RAD51B: variants seen among roughly 807,000 people sequenced by gnomAD.
The protein encoded by RAD51B is RAD51 paralog B, also known as DNA repair protein RAD51 homolog 2.
Under a neutral mutation model 42.2 loss-of-function variants are expected in RAD51B, and 38 were observed. That is an observed-to-expected ratio of 0.90 (90% CI 0.70 to 1.18). The LOEUF is 1.18. RAD51B is among the 50% of genes most tolerant of loss of function. The probability of loss-of-function intolerance (pLI) is 0.00; values close to 1 mark genes in which losing one functional copy is unlikely to be tolerated. For missense variants in RAD51B, 373 were observed against 400.7 expected, an observed-to-expected ratio of 0.93 and a Z score of 0.59; for synonymous variants, 154 against 145.2, an observed-to-expected ratio of 1.06 and a Z score of -0.43.
At chr14:68,481,427 A>G (rs12886429), downstream of RAD51B, among the ~76,000 whole-genome samples, 32,397 of 152,206 alleles carry the variant, frequency 0.21, 4,040 homozygotes, top group East Asian at 0.52. Context: ...CCAAGAAACA[A>G]TAAGAGAGTG....
chr14:68,613,188 G>A (rs533192091), downstream of RAD51B, among the ~76,000 whole-genome samples: 2 of 152,266 alleles, frequency 1.3e-5, no homozygotes, highest in East Asian at 3.9e-4. Flanking sequence ...GGCCAAGGTG[G>A]GCAGATCACC....
At chr14:68,040,434 A>G (rs916749159) in intron 7 of RAD51B, among the ~76,000 whole-genome samples, 1 of 152,216 alleles carries the variant, frequency 6.6e-6, no homozygotes, top group Non-Finnish European at 1.5e-5. Flanking sequence ...GATAATACTC[A>G]TGAAATCTTG....
Position 68,057,646 on chromosome 14 carries a change from CTT to C in RAD51B, c.756+170443_756+170444del, listed in dbSNP as rs1406740504. The stretch of plus-strand genomic sequence containing the variant: ...TAATACAAAAATGCTTTCAGAATCT[CTT>C]AGCTTTTTTTGTCATTTACTAGAAA... On this transcript the variant is annotated intron_variant, in intron 7 of 10. Transcript: ENST00000471583. Among the ~76,000 whole-genome samples the C allele has an allele frequency of 2.0e-5, 3 of 152,106 alleles. No individual in the cohort carries two copies. In the South Asian group the frequency reaches 6.2e-4, roughly 32 times the overall value.
At chr14:67,831,493 A>G (rs896315311) in intron 3 of RAD51B, among the ~76,000 whole-genome samples, 4 of 152,168 alleles carry the variant, frequency 2.6e-5, no homozygotes, top group East Asian at 1.9e-4. Flanking sequence ...TCTTTGTCTC[A>G]TTTATATACA....
At chr14:68,435,665 C>G (rs945794572) in intron 9 of RAD51B, among the ~76,000 whole-genome samples, 2 of 152,156 alleles carry the variant, frequency 1.3e-5, no homozygotes, top group African/African-American at 4.8e-5. Context: ...ATTTTCTTCT[C>G]TCCACAGCCT....
chr14:68,403,834 C>T (rs1023043469), intron 8 of RAD51B, among the ~76,000 whole-genome samples: 5 of 152,166 alleles, frequency 3.3e-5, no homozygotes, highest in Non-Finnish European at 5.9e-5. Context: ...TCTTTCCTCC[C>T]TAGAATTTCA....
chr14:68,146,560 G>A (rs1448398640), intron 7 of RAD51B, among the ~76,000 whole-genome samples: 1 of 152,146 alleles, frequency 6.6e-6, no homozygotes, highest in African/African-American at 2.4e-5. Flanking sequence ...GAATTAGAGG[G>A]AAGGACCTTA....
At chr14:67,836,601 T>C (rs2041250261) in intron 4 of RAD51B, among the ~76,000 whole-genome samples, 1 of 151,946 alleles carries the variant, frequency 6.6e-6, no homozygotes, top group East Asian at 1.9e-4. Flanking sequence ...GTAGCTGGGA[T>C]TGCAGGCATG....
chr14:68,269,224 A>G (rs528167894), intron 7 of RAD51B, among the ~76,000 whole-genome samples: 3 of 152,322 alleles, frequency 2.0e-5, no homozygotes, highest in Admixed American at 6.5e-5. Flanking sequence ...ACTCCTCACA[A>G]TCAGCACATT....
chr14:67,896,128 T>C (rs1468327746), intron 7 of RAD51B, among the ~76,000 whole-genome samples: 1 of 152,214 alleles, frequency 6.6e-6, no homozygotes, highest in Admixed American at 6.6e-5. Flanking sequence ...CTGCCTATAT[T>C]GAATAGTGTC....
intron 9 of RAD51B, among the ~76,000 whole-genome samples, chr14:68,438,180 A>G (rs531951631): frequency 5.3e-5 from 8 of 152,276 alleles, no homozygotes; most frequent in African/African-American, 1.9e-4. Context: ...TCCCTTTGGC[A>G]AGAGTTTTCC....
intron 10 of RAD51B, among the ~76,000 whole-genome samples, chr14:68,533,141 A>G (rs1197757907): frequency 1.3e-5 from 2 of 152,314 alleles, no homozygotes; most frequent in African/African-American, 4.8e-5. Context: ...TAATATGATT[A>G]TTTACACAGA....
At chr14:67,918,484 C>G (rs998539577) in intron 7 of RAD51B, among the ~76,000 whole-genome samples, 1 of 152,192 alleles carries the variant, frequency 6.6e-6, no homozygotes, top group Non-Finnish European at 1.5e-5. Context: ...ATTCATCTGC[C>G]TCGGCCTCCC....
chr14:68,238,023 T>C (rs1452582739), intron 7 of RAD51B, among the ~76,000 whole-genome samples: 2 of 152,098 alleles, frequency 1.3e-5, no homozygotes, highest in Non-Finnish European at 2.9e-5. Flanking sequence ...GCATTTATCA[T>C]ATGAATATAT....
intron 7 of RAD51B, among the ~76,000 whole-genome samples, chr14:68,050,052 A>C (rs2076367279): frequency 6.6e-6 from 1 of 151,968 alleles, no homozygotes; most frequent in Non-Finnish European, 1.5e-5. Context: ...TTCTAATCTT[A>C]AGTTCTATTT....
At chr14:68,231,773 T>A (rs2140983815) in intron 7 of RAD51B, among the ~76,000 whole-genome samples, 1 of 152,246 alleles carries the variant, frequency 6.6e-6, no homozygotes. Context: ...CTAACCCTAT[T>A]TCTTTACTAA....
intron 7 of RAD51B, among the ~76,000 whole-genome samples, chr14:68,038,973 C>T (rs1460694994): frequency 6.6e-6 from 1 of 152,086 alleles, no homozygotes; most frequent in African/African-American, 2.4e-5. Flanking sequence ...TTCACAACTT[C>T]ATGTTCATTA....
chr14:68,122,651 C>T (rs926425060), intron 7 of RAD51B, among the ~76,000 whole-genome samples: 1 of 152,140 alleles, frequency 6.6e-6, no homozygotes, highest in African/African-American at 2.4e-5. Flanking sequence ...AACTTAAATG[C>T]ATGTATCCTT....
At chr14:68,610,399 G>T (rs1891630239) in intron 10 of RAD51B, among the ~76,000 whole-genome samples, 1 of 152,126 alleles carries the variant, frequency 6.6e-6, no homozygotes, top group Non-Finnish European at 1.5e-5. Flanking sequence ...CGCTTCCCGT[G>T]GTCTCCCTGT....
Sources: gnomAD v4.1 joint callset for allele counts (sites outside exome capture counted in the v4.1 genomes callset) on GRCh38, gnomAD v4.1.1 for gene constraint, MANE v1.5 for transcripts, NCBI Gene and HGNC (gene_info 2026-07-23, HGNC 2026-07-21) for gene names.